The following SLC4A10 variants were observed in gnomAD, a reference collection of about 807,000 sequenced individuals.
The protein encoded by SLC4A10 is solute carrier family 4 member 10.
A neutral mutation model predicts 137.7 loss-of-function variants in SLC4A10; 42 were observed. The observed-to-expected ratio is 0.30, with a 90% CI of 0.24 to 0.39. The LOEUF is 0.39. SLC4A10 is among the 10% of genes least tolerant of loss of function. The pLI is 1.00. For missense variants in SLC4A10, 925 were observed against 1,355.0 expected (o/e 0.68, Z 4.98); for synonymous variants, 474 against 464.1 (o/e 1.02, Z -0.27).
rs764057182 is a variant in SLC4A10, at chr2:161,903,990, C to T, written c.1443-14C>T. On this transcript the variant is annotated splice_polypyrimidine_tract_variant and intron_variant, in intron 12 of 26. Transcript: ENST00000446997. ...TATTTGGGTTTCACTATTGTGTTTT[C>T]CCCCCTGTCTTAGGATTTTTGGGGG... 7.1e-6 allele frequency: 11 copies of T among 1,550,724 alleles called. No homozygotes were observed. Among genetic ancestry groups the T allele is most frequent in the Middle Eastern group, 1.8e-4 (1 of 5,670 alleles).
At chr2:161,658,423 C>T (rs1022804327) in intron 1 of SLC4A10, among the ~76,000 whole-genome samples, 1 of 152,018 alleles carries the variant, frequency 6.6e-6, no homozygotes. Context: ...ACAAATCTGG[C>T]GTTCAGCTTA....
At chr2:161,822,841 G>A (rs921812462) in intron 3 of SLC4A10, among the ~76,000 whole-genome samples, 1 of 152,092 alleles carries the variant, frequency 6.6e-6, no homozygotes, top group Admixed American at 6.6e-5. Flanking sequence ...TAGACATGGT[G>A]ATGCGCACCT....
chr2:161,849,100 C>T (rs990804136), intron 4 of SLC4A10, among the ~76,000 whole-genome samples: 6 of 152,004 alleles, frequency 3.9e-5, no homozygotes, highest in African/African-American at 9.7e-5. Context: ...TTGTAATTCT[C>T]GTTGCAGAGA....
intron 1 of SLC4A10, among the ~76,000 whole-genome samples, chr2:161,654,695 G>A (rs1194396541): frequency 6.6e-6 from 1 of 152,046 alleles, no homozygotes; most frequent in Non-Finnish European, 1.5e-5. Flanking sequence ...TATATGCATG[G>A]GTTTATTTCT....
intron 1 of SLC4A10, among the ~76,000 whole-genome samples, chr2:161,707,126 A>G (rs1203698896): frequency 2.6e-5 from 4 of 151,584 alleles, no homozygotes; most frequent in Admixed American, 1.3e-4. Context: ...GAGGGTAAAT[A>G]CTACATAGAT....
intron 3 of SLC4A10, among the ~76,000 whole-genome samples, chr2:161,822,131 G>A (rs535438998): frequency 6.6e-6 from 1 of 152,288 alleles, no homozygotes; most frequent in South Asian, 2.1e-4. Flanking sequence ...AAGGTGTGTA[G>A]TGAGTAAGCC....
Position 161,684,902 on chromosome 2 carries a change from T to C in SLC4A10, c.48+60336T>C, listed in dbSNP as rs938867126. ...GTATAGCCAGAAATAGGCAGTCATC[T>C]TCCTATGTTGCTGATTCTGAGGTTC... On this transcript the variant is annotated intron_variant, in intron 1 of 26. Transcript: ENST00000446997. Among the ~76,000 whole-genome samples the C allele has an allele frequency of 3.9e-5, 6 of 152,182 alleles. No homozygotes were observed. In the East Asian group the frequency reaches 1.2e-3, roughly 29 times the overall value.
At chr2:161,793,405 G>A (rs1253811527) in intron 2 of SLC4A10, among the ~76,000 whole-genome samples, 6 of 151,972 alleles carry the variant, frequency 3.9e-5, no homozygotes, top group African/African-American at 1.5e-4. Context: ...TGTCAAACTA[G>A]AATTTTATAT....
At chr2:161,766,156 C>T (rs1466419821) in intron 1 of SLC4A10, among the ~76,000 whole-genome samples, 1 of 152,054 alleles carries the variant, frequency 6.6e-6, no homozygotes, top group Non-Finnish European at 1.5e-5. Flanking sequence ...CTTTCATATT[C>T]TAGCTTCTCA....
chr2:161,859,005 T>C (rs1164494092), intron 5 of SLC4A10, among the ~76,000 whole-genome samples: 2 of 152,152 alleles, frequency 1.3e-5, no homozygotes, highest in Non-Finnish European at 2.9e-5. Flanking sequence ...AGTACACACA[T>C]CCCTGTTAGT....
intron 4 of SLC4A10, among the ~76,000 whole-genome samples, chr2:161,844,183 G>T (rs2059355895): frequency 6.6e-6 from 1 of 152,082 alleles, no homozygotes; most frequent in Admixed American, 6.6e-5. Context: ...AAAGCAGGGG[G>T]TAGCGTTAGG....
chr2:161,894,738 TG>T lies in SLC4A10; in HGVS notation c.1255del (p.Glu419SerfsTer20). On this transcript the variant is annotated frameshift_variant, in exon 11 of 27. Coordinates refer to ENST00000446997, the MANE Select transcript of SLC4A10 (RefSeq NM_001178015.2). LOFTEE classifies it high-confidence loss of function. Reference sequence around the variant, plus strand: ...GTAATGACTTGGTATCAGGAATTGATGAGTTTCTGGATCAGGTTACTGTTCT... The same window carrying T: ...GTAATGACTTGGTATCAGGAATTGATAGTTTCTGGATCAGGTTACTGTTCT... ...DRNDLVSGIDEFLDQVTVLPP... is the reference protein window; with the variant it reads ...DRNDLVSGIDXFLDQVTVLPP... The T allele has an allele frequency of 6.9e-7, 1 of 1,448,182 alleles. No homozygotes were observed. 89.7% of individuals were successfully genotyped at this position (1,448,182 alleles called of 1,614,324 possible). A position where few individuals can be genotyped will look rare whatever the true frequency, so the allele number is the denominator to read the frequency against.
chr2:161,719,276 G>A (rs2045335375), intron 1 of SLC4A10, among the ~76,000 whole-genome samples: 1 of 152,052 alleles, frequency 6.6e-6, no homozygotes, highest in South Asian at 2.1e-4. Flanking sequence ...GTGTATATGT[G>A]CCACATTTTC....
intron 1 of SLC4A10, among the ~76,000 whole-genome samples, chr2:161,696,337 G>A (rs1395373738): frequency 6.7e-6 from 1 of 148,830 alleles, no homozygotes. Context: ...TAAGTTTTAG[G>A]GTACATGTGC....
rs141743059 is a variant in SLC4A10 at position 161,723,787 on chromosome 2, A to G, written c.49-47186A>G. ...TAGAACCCAGGCTTGAATATTTTCA[A>G]AAAACATTCCAAGTAAATATAATTA... On this transcript the variant is annotated intron_variant, in intron 1 of 26. Transcript: ENST00000446997. Among the ~76,000 whole-genome samples, 325 of 152,332 alleles carry G rather than the reference A, an allele frequency of 2.1e-3. 2 individuals are homozygous for G. The highest frequency in any genetic ancestry group is 7.3e-3 in the African/African-American group (304 of 41,578).
At chr2:161,797,520 C>CA (rs1206978136) in intron 2 of SLC4A10, among the ~76,000 whole-genome samples, 4 of 146,476 alleles carry the variant, frequency 2.7e-5, no homozygotes, top group African/African-American at 1.1e-4. Flanking sequence ...CATTGCTGGG[C>CA]TTGATTCGTT....
At chr2:161,768,971 G>A (rs375116064) in intron 1 of SLC4A10, among the ~76,000 whole-genome samples, 2 of 151,960 alleles carry the variant, frequency 1.3e-5, no homozygotes, top group South Asian at 2.1e-4. Flanking sequence ...GGTGAAAGAT[G>A]CATCTTCTGG....
rs1321105647 is a variant in SLC4A10, at chr2:161,679,656, A to AT, written c.48+55100dup. On this transcript the variant is annotated intron_variant, in intron 1 of 26. Transcript: ENST00000446997. ...TTCTAAATCTCTGGAATCTGCTTTT[A>AT]TTTTTTTTTTAACCTCAATTGTAGG... 5.2e-3 allele frequency among the ~76,000 whole-genome samples: 545 copies of AT among 104,364 alleles called. 3 individuals are homozygous for AT. The highest frequency in any genetic ancestry group is 9.3e-3 in the African/African-American group (249 of 26,890). 68.5% of individuals were successfully genotyped at this position (104,364 alleles called of 152,430 possible).
chr2:161,648,614 C>A (rs2036388192), intron 1 of SLC4A10, among the ~76,000 whole-genome samples: 1 of 152,170 alleles, frequency 6.6e-6, no homozygotes, highest in Non-Finnish European at 1.5e-5. Context: ...TGAGTGTTAG[C>A]CTCCTCCAAT....
Sources: allele counts gnomAD v4.1 joint callset (sites outside exome capture counted in the v4.1 genomes callset), GRCh38; gene constraint gnomAD v4.1.1; transcripts MANE v1.5; gene names NCBI Gene and HGNC (gene_info 2026-07-23, HGNC 2026-07-21).